ZNF827: variants seen among roughly 807,000 people sequenced by gnomAD.
ZNF827 encodes the protein zinc finger protein 827.
ZNF827 carries 13 observed loss-of-function variants against 102.4 expected under a neutral mutation model. The observed-to-expected ratio is 0.13, with a 90% CI of 0.08 to 0.20. The LOEUF (loss-of-function observed/expected upper bound fraction) is 0.20. Ranked by LOEUF, ZNF827 falls within the 10% of genes least tolerant of loss-of-function variation. The probability of loss-of-function intolerance (pLI) is 1.00; values close to 1 mark genes in which losing one functional copy is unlikely to be tolerated. For synonymous variants in ZNF827, 523 were observed against 536.2 expected (o/e 0.98, Z 0.34); for missense variants, 1,103 against 1,344.4 (o/e 0.82, Z 2.81).
chr4:145,794,967 G>A (rs1398948948), intron 8 of ZNF827, among the ~76,000 whole-genome samples: 2 of 152,096 alleles, frequency 1.3e-5, no homozygotes, highest in East Asian at 3.9e-4. Context: ...TTGAAAAATG[G>A]CAAACTCTGC....
chr4:145,897,463 C>T lies in ZNF827; in HGVS notation c.1093+4703G>A, dbSNP rs186844689. On this transcript the variant is annotated intron_variant, in intron 2 of 14. Transcript: ENST00000508784. ...CCTGGTGACCCTGGATCTGCATAATCTGTGCATTATTACGGTCTCCATTCT... is the reference window on the plus strand; with the variant it reads ...CCTGGTGACCCTGGATCTGCATAATTTGTGCATTATTACGGTCTCCATTCT... Among the ~76,000 whole-genome samples, 13 of 152,294 alleles carry T rather than the reference C, an allele frequency of 8.5e-5. No homozygotes were observed. In the East Asian group the frequency reaches 2.5e-3, roughly 29 times the overall value.
chr4:145,763,048 G>T lies in ZNF827; in HGVS notation c.*17+42C>A. 2 of 1,519,178 alleles carry T rather than the reference G, an allele frequency of 1.3e-6. No homozygotes were observed. The highest frequency in any genetic ancestry group is 8.8e-7 in the Non-Finnish European group (1 of 1,133,038). 94.1% of individuals were successfully genotyped at this position (1,519,178 alleles called of 1,614,324 possible). ...GAGAGAAATATAAAGCCCATTCCCA[G>T]GTCAGGTGCACACACAACCCCTACG... On this transcript the variant is annotated intron_variant, in intron 14 of 14. Transcript: ENST00000508784. The surrounding 1 kb of genome is among the most constrained non-coding windows in gnomAD (Gnocchi z 4.6).
In ZNF827 at chr4:145,803,082, C is replaced by G. The variant is rs562115731; in HGVS notation, c.2383+20340G>C. Among the ~76,000 whole-genome samples the G allele has an allele frequency of 5.9e-5, 9 of 152,218 alleles. No individual in the cohort carries two copies. In the South Asian group the frequency reaches 1.9e-3, roughly 32 times the overall value. On this transcript the variant is annotated intron_variant, in intron 8 of 14. Transcript: ENST00000508784. Reference sequence around the variant, plus strand: ...CTCTCCCTCTCTCCTTCCTTCCCTCCTATCTGTCATCACTTATCTACTTTA... The same window carrying G: ...CTCTCCCTCTCTCCTTCCTTCCCTCGTATCTGTCATCACTTATCTACTTTA...
At chr4:145,891,467 A>T (rs1336019401) in intron 3 of ZNF827, among the ~76,000 whole-genome samples, 1 of 152,222 alleles carries the variant, frequency 6.6e-6, no homozygotes, top group African/African-American at 2.4e-5. Context: ...GTCAGCTAAA[A>T]AGATTTCCAT....
chr4:145,805,064 T>C lies in ZNF827; in HGVS notation c.2383+18358A>G, dbSNP rs77379264. On this transcript the variant is annotated intron_variant, in intron 8 of 14. Transcript: ENST00000508784. ...CATCTGTTAGAGTAATTTGCAGTTT[T>C]ATTGGAGAATTCATAGTTCCCTGAC... Among the ~76,000 whole-genome samples the C allele has an allele frequency of 0.011, 1,623 of 152,246 alleles. 98 individuals carry two copies. In the East Asian group the frequency reaches 0.15, roughly 14 times the overall value.
At chr4:145,838,497 G>A (rs949904886) in intron 7 of ZNF827, among the ~76,000 whole-genome samples, 3 of 152,060 alleles carry the variant, frequency 2.0e-5, no homozygotes, top group Non-Finnish European at 2.9e-5. Context: ...ACAGGGACGC[G>A]CATGAAAAGT....
At chr4:145,928,812 G>A (rs979796845) in intron 1 of ZNF827, among the ~76,000 whole-genome samples, 1 of 152,208 alleles carries the variant, frequency 6.6e-6, no homozygotes, top group Non-Finnish European at 1.5e-5. Flanking sequence ...AACGCCTACA[G>A]GGATCAGGAG....
intron 1 of ZNF827, among the ~76,000 whole-genome samples, chr4:145,925,813 C>A (rs1753378614): frequency 6.6e-6 from 1 of 152,222 alleles, no homozygotes; most frequent in African/African-American, 2.4e-5. Context: ...TTCAACGCTT[C>A]TCATCTCACC....
At chr4:145,823,643 G>A (rs960075846) in intron 7 of ZNF827, 118 bp from the exon 8 acceptor site, 3 of 680,248 alleles carry the variant, frequency 4.4e-6, no homozygotes, top group African/African-American at 3.6e-5. Flanking sequence ...GTTTGCAACG[G>A]TGTTTAGTGA....
chr4:145,924,385 T>C (rs561880796), intron 1 of ZNF827, among the ~76,000 whole-genome samples: 1 of 152,324 alleles, frequency 6.6e-6, no homozygotes, highest in East Asian at 1.9e-4. Flanking sequence ...TATGTATAGA[T>C]GTTAGATATA....
chr4:145,869,719 A>T (rs1315166049), intron 5 of ZNF827, among the ~76,000 whole-genome samples: 1 of 152,214 alleles, frequency 6.6e-6, no homozygotes. Flanking sequence ...TAATCTTAAG[A>T]ACAGATTAAT....
chr4:145,853,433 T>C (rs1746730124), intron 5 of ZNF827, among the ~76,000 whole-genome samples: 1 of 152,166 alleles, frequency 6.6e-6, no homozygotes, highest in South Asian at 2.1e-4. Flanking sequence ...TATATATCGT[T>C]GCTGTTGGTG....
At chr4:145,826,588 C>G (rs1233592121) in intron 7 of ZNF827, among the ~76,000 whole-genome samples, 3 of 152,174 alleles carry the variant, frequency 2.0e-5, no homozygotes, top group East Asian at 1.9e-4. Flanking sequence ...TAATGTTACA[C>G]AGAATATTGT....
At position 145,812,386 on chromosome 4, in the gene ZNF827, G is replaced by T. The variant is rs148646600; in HGVS notation, c.2383+11036C>A. ...CTTGTGCCTCCATCTCCCACTCTCT[G>T]CTTCCAGAAATGCCTTAACGTTTCT... is the stretch of plus-strand genomic sequence containing the variant. On this transcript the variant is annotated intron_variant, in intron 8 of 14. Transcript: ENST00000508784. Among the ~76,000 whole-genome samples the T allele has an allele frequency of 2.5e-3, 377 of 152,196 alleles. 1 individual carries two copies. The highest frequency in any genetic ancestry group is 8.8e-3 in the African/African-American group (365 of 41,538).
Position 145,903,191 on chromosome 4 carries a change from T to C in ZNF827, c.68A>G (p.Glu23Gly). The change falls in exon 2 of 15, where the codon GAG (glutamate) becomes GGG (glycine). Residue 23 changes from glutamate to glycine, a missense_variant. Around this residue, in one of 5 missense-constraint regions of ZNF827, gnomAD observed 441 missense variants for 458.6 expected, o/e 0.96. Coordinates refer to ENST00000508784, the MANE Select transcript of ZNF827 (RefSeq NM_001306215.2). ...PSHVSRQEEA[E>G]GELSEGEHWY... Reference sequence around the variant, plus strand: ...GTGTTCTCCTTCACTGAGCTCTCCCTCCGCCTCTTCCTGCCTACTAACATC... The same window carrying C: ...GTGTTCTCCTTCACTGAGCTCTCCCCCCGCCTCTTCCTGCCTACTAACATC... 1 of 1,611,006 alleles carries C rather than the reference T, an allele frequency of 6.2e-7. No individual in the cohort carries two copies. Among genetic ancestry groups the C allele is most frequent in the Non-Finnish European group, 8.5e-7 (1 of 1,177,688 alleles).
intron 8 of ZNF827, among the ~76,000 whole-genome samples, chr4:145,780,551 T>TA (rs1197691838): frequency 6.6e-6 from 1 of 152,238 alleles, no homozygotes; most frequent in African/African-American, 2.4e-5. Context: ...AAAGAGTTTT[T>TA]ATTTTCTCAT....
intron 1 of ZNF827, among the ~76,000 whole-genome samples, chr4:145,933,794 A>G (rs1330611494): frequency 6.6e-6 from 1 of 151,468 alleles, no homozygotes; most frequent in Non-Finnish European, 1.5e-5. Context: ...GGTGAAAAAA[A>G]AAAAAACAAA....
At chr4:145,819,880 T>C (rs1292983894) in intron 8 of ZNF827, 1 of 152,208 alleles carries the variant, frequency 6.6e-6, no homozygotes, top group Non-Finnish European at 1.5e-5. Context: ...GGAAAGTCAG[T>C]CTAGAAATAC....
chr4:145,809,080 T>C (rs1452519315), intron 8 of ZNF827, among the ~76,000 whole-genome samples: 2 of 152,216 alleles, frequency 1.3e-5, no homozygotes, highest in African/African-American at 4.8e-5. Context: ...GGATTACAAG[T>C]GTGAGCCACT....
Sources: gnomAD v4.1 joint callset for allele counts (sites outside exome capture counted in the v4.1 genomes callset) on GRCh38, gnomAD v4.1.1 for gene constraint, gnomAD v4.1.1 regional missense constraint, Gnocchi (gnomAD v3.1) non-coding constraint, MANE v1.5 for transcripts, NCBI Gene and HGNC (gene_info 2026-07-23, HGNC 2026-07-21) for gene names.